ZNF117: variants seen among roughly 807,000 people sequenced by gnomAD.
ZNF117 encodes the protein zinc finger protein 117, also known as Krueppel-related zinc finger protein.
A neutral mutation model predicts 41.2 loss-of-function variants in ZNF117; 37 were observed. That is an observed-to-expected ratio of 0.90 (90% CI 0.69 to 1.18). The LOEUF (loss-of-function observed/expected upper bound fraction) is 1.18, where lower values mean the gene tolerates loss of function less well. ZNF117 is among the 50% of genes most tolerant of loss of function. The probability of loss-of-function intolerance (pLI) is 0.00; values close to 1 mark genes in which losing one functional copy is unlikely to be tolerated. For missense variants in ZNF117, 546 were observed against 557.5 expected, an observed-to-expected ratio of 0.98 and a Z score of 0.21; for synonymous variants, 186 against 186.6, an observed-to-expected ratio of 1.00 and a Z score of 0.02.
At chr7:64,973,595 G>A (rs1045462710), downstream of ZNF117, 3 of 151,816 alleles carry the variant, frequency 2.0e-5, no homozygotes, top group African/African-American at 7.2e-5. Flanking sequence ...CCAATAAAAA[G>A]CAATTTTTGA....
chr7:64,988,945 T>G (rs1156646386), intron 1 of ZNF117, among the ~76,000 whole-genome samples: 1 of 152,050 alleles, frequency 6.6e-6, no homozygotes, highest in African/African-American at 2.4e-5. Flanking sequence ...AAATCATATA[T>G]GACACAAATA....
exon 3 of ZNF117, chr7:64,978,840 G>T (rs747577166): frequency 5.6e-6 from 9 of 1,613,566 alleles, no homozygotes; most frequent in Admixed American, 1.7e-5. Context: ...TTTCTCTCCG[G>T]TATGAATTAA....
upstream of ZNF117, among the ~76,000 whole-genome samples, chr7:64,985,997 T>C (rs1442724719): frequency 6.6e-6 from 1 of 151,804 alleles, no homozygotes; most frequent in African/African-American, 2.4e-5. Flanking sequence ...CCTCCCTTTT[T>C]TCATGTGGAG....
In ZNF117 at chr7:64,987,829, A is replaced by G. The variant is rs201248191; in HGVS notation, c.-196+2118T>C. ...TGAGACCCCGTTCTCCACAAAAAGGAAAAAAAAAAAAAAAAGACCAAAAAA... is the reference window on the plus strand; with the variant it reads ...TGAGACCCCGTTCTCCACAAAAAGGGAAAAAAAAAAAAAAAGACCAAAAAA... On this transcript the variant is annotated intron_variant, in intron 1 of 3. Coordinates refer to the ZNF117 transcript ENST00000282869. Among the ~76,000 whole-genome samples, 9 of 1,398 alleles carry G rather than the reference A, an allele frequency of 6.4e-3. No homozygotes were observed. In the Admixed American group the frequency reaches 0.1, roughly 16 times the overall value. The allele number at this position is 1,398 out of a possible 152,430, so 0.9% of individuals were successfully genotyped here.
exon 3 of ZNF117, chr7:64,978,122 G>A (rs763730617): frequency 3.7e-6 from 6 of 1,607,688 alleles, no homozygotes; most frequent in Admixed American, 1.7e-5. Flanking sequence ...TTGAGGATCA[G>A]GTAGAAGCTT....
At chr7:64,976,709 T>C in exon 3 of ZNF117, 2 of 348,170 alleles carry the variant, frequency 5.7e-6, no homozygotes, top group Non-Finnish European at 1.1e-5. Flanking sequence ...ATTTAAAGGC[T>C]TTGTACCATT....
At chr7:64,979,305 ACTT>A (rs779090175) in exon 3 of ZNF117, 1 of 1,588,746 alleles carries the variant, frequency 6.3e-7, no homozygotes, top group African/African-American at 1.4e-5. Flanking sequence ...TTTATGGAAA[ACTT>A]CTACATATTT....
At chr7:64,990,975 T>G (rs1406193450) in exon 1 of ZNF117, 3 of 381,896 alleles carry the variant, frequency 7.9e-6, no homozygotes, top group African/African-American at 6.2e-5. Context: ...TATCTTCATT[T>G]ACTTCAAGAG....
At chr7:64,978,069 T>G in exon 3 of ZNF117, 1 of 1,569,114 alleles carries the variant, frequency 6.4e-7, no homozygotes, top group Non-Finnish European at 8.7e-7. Flanking sequence ...TTCACACTTG[T>G]AAGGTTTCTC....
chr7:64,982,334 C>T (rs1010350316), upstream of ZNF117, among the ~76,000 whole-genome samples: 17 of 152,254 alleles, frequency 1.1e-4, no homozygotes, highest in Non-Finnish European at 8.8e-5. Context: ...AGAAGATCCA[C>T]AACATCTGTG....
At chr7:64,987,435 ACTAAT>A (rs1396536336) in intron 1 of ZNF117, among the ~76,000 whole-genome samples, 2 of 152,202 alleles carry the variant, frequency 1.3e-5, no homozygotes, top group African/African-American at 2.4e-5. Context: ...GCAAAAAGTA[ACTAAT>A]CTGATCTGTA....
chr7:64,984,712 T>C (rs537912505), upstream of ZNF117, among the ~76,000 whole-genome samples: 3 of 152,178 alleles, frequency 2.0e-5, no homozygotes, highest in South Asian at 2.1e-4. Context: ...ATAATGTACA[T>C]AGGATTTTTA....
exon 3 of ZNF117, chr7:64,978,946 T>G (rs1437323622): frequency 1.2e-6 from 2 of 1,613,516 alleles, no homozygotes; most frequent in Non-Finnish European, 1.7e-6. Flanking sequence ...TTATGTGTAG[T>G]AAGGGTCGAT....
exon 1 of ZNF117, chr7:64,990,656 C>T (rs1249220077): frequency 1.3e-5 from 2 of 152,234 alleles, no homozygotes; most frequent in Non-Finnish European, 2.9e-5. Flanking sequence ...AAAATCTTTA[C>T]AGACTTGCAG....
intron 1 of ZNF117, among the ~76,000 whole-genome samples, chr7:64,989,503 C>T (rs1786216515): frequency 1.7e-5 from 1 of 58,264 alleles, no homozygotes; most frequent in Admixed American, 2.3e-4. Flanking sequence ...ATATATAAAA[C>T]CTGAAAATAA....
exon 3 of ZNF117, chr7:64,977,480 G>C (rs2129118264): frequency 2.0e-6 from 1 of 489,906 alleles, no homozygotes; most frequent in East Asian, 5.4e-5. Flanking sequence ...CCTCACATTT[G>C]TAAGGTTTCT....
At chr7:64,971,838 CGTTAG>C (rs574488734), downstream of ZNF117, 2 of 151,842 alleles carry the variant, frequency 1.3e-5, no homozygotes, top group South Asian at 2.1e-4. Flanking sequence ...AAAATAGATA[CGTTAG>C]ATTACTTGAA....
chr7:64,979,320 T>C (rs1455904914), exon 3 of ZNF117: 1 of 1,593,612 alleles, frequency 6.3e-7, no homozygotes, highest in South Asian at 1.1e-5. Flanking sequence ...TACATATTTA[T>C]TACATTGAAA....
intron 1 of ZNF117, 62 bp from the exon 3 acceptor site, chr7:64,981,544 A>G: frequency 7.4e-7 from 1 of 1,355,984 alleles, no homozygotes; most frequent in Non-Finnish European, 1.0e-6. Context: ...CAACTTGGTA[A>G]TGTGCTCAGT....
Sources: allele counts gnomAD v4.1 joint callset (sites outside exome capture counted in the v4.1 genomes callset), GRCh38; gene constraint gnomAD v4.1.1; transcripts MANE v1.5; gene names NCBI Gene and HGNC (gene_info 2026-07-23, HGNC 2026-07-21).